GLB1L3: variants seen among roughly 807,000 people sequenced by gnomAD.
GLB1L3 encodes galactosidase beta 1 like 3, also known as beta-galactosidase-1-like protein 3.
Under a neutral mutation model 89.5 loss-of-function variants are expected in GLB1L3, and 89 were observed. That is an observed-to-expected ratio of 0.99 (90% confidence interval 0.84 to 1.19). GLB1L3 has a LOEUF of 1.19. Ranked by LOEUF, GLB1L3 falls within the 50% of genes most tolerant of loss-of-function variation. The pLI, the probability that GLB1L3 is intolerant of heterozygous loss-of-function variation, is 0.00. For missense variants in GLB1L3, 812 were observed against 813.3 expected (o/e 1.00, Z 0.02); for synonymous variants, 314 against 312.3 (o/e 1.01, Z -0.06).
chr11:134,284,925 T>A (rs1418057260), intron 6 of GLB1L3, among the ~76,000 whole-genome samples: 1 of 9,232 alleles, frequency 1.1e-4, no homozygotes. Context: ...ATGCATTGCC[T>A]TTTTTTTTTT....
chr11:134,306,331 G>A (rs1299535043), intron 9 of GLB1L3, among the ~76,000 whole-genome samples: 1 of 152,172 alleles, frequency 6.6e-6, no homozygotes, highest in African/African-American at 2.4e-5. Flanking sequence ...TATTAATTGT[G>A]TTGATAGCCA....
chr11:134,305,037 A>C, intron 9 of GLB1L3: 1 of 1,509,058 alleles, frequency 6.6e-7, no homozygotes. Flanking sequence ...ATAACAATGT[A>C]TCTTAGTGGC....
In GLB1L3 at chr11:134,318,941, A is replaced by G; in HGVS notation, c.1961A>G (p.Ter654=). The stretch of plus-strand genomic sequence containing the variant: ...AAATCTACAGACAAGCCCACGCTGT[A>G]AAACTGTGTCTGAACATTTTTTTTT... The part of the protein sequence containing the change: ...DIKSTDKPTL[*] The change falls in exon 20 of 20, where the codon TAA becomes TGA. Residue 654 remains the stop codon, a stop_retained_variant. Transcript: ENST00000431683. 6.2e-7 allele frequency: 1 copy of G among 1,606,560 alleles called. No individual in the cohort carries two copies. Among genetic ancestry groups the G allele is most frequent in the Non-Finnish European group, 8.5e-7 (1 of 1,178,250 alleles).
rs2136100105 is a variant in GLB1L3 at position 134,277,471 on chromosome 11, C to T, written c.149+20C>T. On this transcript the variant is annotated intron_variant, in intron 2 of 19. Transcript: ENST00000431683. ...GCCTAGGTTTGCTTGAGAGCTACAT[C>T]CCTGGGGAGGGAGGGGAGCGATCTC... The T allele has an allele frequency of 6.2e-7, 1 of 1,607,104 alleles. No individual in the cohort carries two copies. The highest frequency in any genetic ancestry group is 8.5e-7 in the Non-Finnish European group (1 of 1,176,040).
intron 11 of GLB1L3, chr11:134,310,219 T>TA (rs1005568193): frequency 0.017 from 5,466 of 329,212 alleles, no homozygotes; most frequent in South Asian, 0.025. Context: ...CTGATGAGCT[T>TA]AAAAAAAAAA....
At chr11:134,281,545 G>C in intron 4 of GLB1L3, 100 bp downstream of exon 4, 1 of 1,235,698 alleles carries the variant, frequency 8.1e-7, no homozygotes, top group South Asian at 1.2e-5. Context: ...GAGGGACGTG[G>C]GTCTGGAGTC....
intron 1 of GLB1L3, 180 bp from the exon 2 acceptor site, chr11:134,277,146 G>A (rs932138653): frequency 5.4e-6 from 4 of 746,466 alleles, no homozygotes; most frequent in African/African-American, 5.2e-5. Flanking sequence ...CCTGGCTGCA[G>A]AGGACTGGCC....
chr11:134,315,938 G>A (rs512958), intron 18 of GLB1L3, among the ~76,000 whole-genome samples: 94,076 of 151,966 alleles, frequency 0.62, 29,738 homozygotes, highest in Non-Finnish European at 0.67. Flanking sequence ...TCATTTACGC[G>A]TGGATTTGGT....
At chr11:134,304,555 A>T (rs1942096462) in intron 9 of GLB1L3, among the ~76,000 whole-genome samples, 5 of 149,078 alleles carry the variant, frequency 3.4e-5, no homozygotes, top group South Asian at 2.2e-4. Context: ...CTCACTTTTC[A>T]CTCCTTTTCT....
chr11:134,309,875 C>G, intron 11 of GLB1L3, 112 bp downstream of exon 11: 1 of 1,171,286 alleles, frequency 8.5e-7, no homozygotes, highest in South Asian at 1.5e-5. Context: ...ATAATCTATG[C>G]TGAGTACTGA....
At chr11:134,286,948 CA>C (rs1411521811) in intron 6 of GLB1L3, among the ~76,000 whole-genome samples, 1 of 150,814 alleles carries the variant, frequency 6.6e-6, no homozygotes, top group Non-Finnish European at 1.5e-5. Flanking sequence ...ATCACGAGGT[CA>C]GGAGATCAAG....
At chr11:134,315,989 TACATA>T (rs1942962133) in intron 18 of GLB1L3, among the ~76,000 whole-genome samples, 2 of 152,220 alleles carry the variant, frequency 1.3e-5, no homozygotes, top group Non-Finnish European at 1.5e-5. Flanking sequence ...GAGGTAAAAT[TACATA>T]ACATAAAATT....
intron 9 of GLB1L3, among the ~76,000 whole-genome samples, chr11:134,300,390 T>C (rs1309375532): frequency 2.0e-5 from 3 of 150,568 alleles, no homozygotes; most frequent in Non-Finnish European, 4.4e-5. Flanking sequence ...TAGAGTGCAG[T>C]GGTGTGAACT....
chr11:134,307,401 G>T, intron 10 of GLB1L3, among the ~76,000 whole-genome samples, 193 bp downstream of exon 10: 1 of 152,182 alleles, frequency 6.6e-6, no homozygotes, highest in African/African-American at 2.4e-5. Flanking sequence ...ACCCCCAACA[G>T]AGTATAAGTT....
intron 9 of GLB1L3, among the ~76,000 whole-genome samples, chr11:134,296,472 G>GAA (rs1182885815): frequency 1.5e-5 from 2 of 131,084 alleles, no homozygotes; most frequent in African/African-American, 5.8e-5. Flanking sequence ...ACTGGATTAA[G>GAA]AAAATGTGGC....
At chr11:134,278,000 G>T (rs1940475269) in intron 3 of GLB1L3, 88 bp downstream of exon 3, 3 of 1,285,188 alleles carry the variant, frequency 2.3e-6, no homozygotes, top group Non-Finnish European at 3.3e-6. Flanking sequence ...TGGGGGCCCA[G>T]CGTGAGGACT....
At chr11:134,277,549 A>T in intron 2 of GLB1L3, 98 bp downstream of exon 2, 1 of 1,531,818 alleles carries the variant, frequency 6.5e-7, no homozygotes, top group South Asian at 1.1e-5. Context: ...CGTCCTACTA[A>T]CATATGCACA....
chr11:134,291,799 C>T (rs563279406), intron 7 of GLB1L3, among the ~76,000 whole-genome samples: 12 of 152,106 alleles, frequency 7.9e-5, no homozygotes, highest in East Asian at 5.8e-4. Context: ...ACATAGTGAG[C>T]CCCCGTTTCT....
chr11:134,290,579 C>A (rs539827), intron 7 of GLB1L3, among the ~76,000 whole-genome samples: 1,649 of 117,092 alleles, frequency 0.014, 108 homozygotes, highest in African/African-American at 0.038. Context: ...CCCCCCCCGC[C>A]AAAAAAAAAG....
Sources: gnomAD v4.1 joint callset for allele counts (sites outside exome capture counted in the v4.1 genomes callset) on GRCh38, gnomAD v4.1.1 for gene constraint, MANE v1.5 for transcripts, NCBI Gene and HGNC (gene_info 2026-07-23, HGNC 2026-07-21) for gene names.